KCTD16: variants seen among roughly 807,000 people sequenced by gnomAD.
KCTD16 encodes the protein BTB/POZ domain-containing protein KCTD16.
Under a neutral mutation model 33.2 loss-of-function variants are expected in KCTD16, and 13 were observed. The ratio of observed to expected loss-of-function variants is 0.39; its 90% CI spans 0.25 to 0.62. The LOEUF (loss-of-function observed/expected upper bound fraction) is 0.62, where lower values mean the gene tolerates loss of function less well. Among genes scored for constraint, KCTD16 ranks in the 20% least tolerant of loss-of-function variants. The pLI, the probability that KCTD16 is intolerant of heterozygous loss-of-function variation, is 0.50. For missense variants in KCTD16, 441 were observed against 525.1 expected, an observed-to-expected ratio of 0.84 and a Z score of 1.57; for synonymous variants, 197 against 195.3, an observed-to-expected ratio of 1.01 and a Z score of -0.07.
chr5:144,309,614 C>A (rs1022330577), intron 3 of KCTD16, among the ~76,000 whole-genome samples: 3 of 152,118 alleles, frequency 2.0e-5, no homozygotes, highest in African/African-American at 7.2e-5. Flanking sequence ...AGTATTCAAT[C>A]CCTTGGAGTT....
At position 144,475,899 on chromosome 5, in the gene KCTD16, C is replaced by T. The variant is rs2127004176; in HGVS notation, c.*1785C>T. 1 of 152,244 alleles carries T rather than the reference C, an allele frequency of 6.6e-6. No individual in the cohort carries two copies. 9.4% of individuals were successfully genotyped at this position (152,244 alleles called of 1,614,324 possible). A position where few individuals can be genotyped will look rare whatever the true frequency, so the allele number is the denominator to read the frequency against. ...AGGATGACAGACTCAGCTAATGTTT[C>T]CTTGTCCTGAAGGTTTGAATGGAGT... On this transcript the variant is annotated 3_prime_UTR_variant, in exon 4 of 4. Coordinates refer to ENST00000512467, the MANE Select transcript of KCTD16 (RefSeq NM_020768.4).
intron 3 of KCTD16, among the ~76,000 whole-genome samples, chr5:144,335,085 C>A (rs932280111): frequency 1.3e-5 from 2 of 152,082 alleles, no homozygotes; most frequent in Non-Finnish European, 2.9e-5. Flanking sequence ...CCACCCAGAT[C>A]CTGTTTTCTT....
chr5:144,316,874 C>G (rs1159851170), intron 3 of KCTD16, among the ~76,000 whole-genome samples: 1 of 132,214 alleles, frequency 7.6e-6, no homozygotes, highest in Non-Finnish European at 1.6e-5. Flanking sequence ...TGTCACTGGG[C>G]TGGAGTGCAA....
chr5:144,476,311 C>G lies in KCTD16; in HGVS notation c.*2197C>G, dbSNP rs1345290191. 1 of 152,172 alleles carries G rather than the reference C, an allele frequency of 6.6e-6. No individual in the cohort carries two copies. The highest frequency in any genetic ancestry group is 1.5e-5 in the Non-Finnish European group (1 of 68,038). The allele number at this position is 152,172 out of a possible 1,614,324, so 9.4% of individuals were successfully genotyped here. The stretch of plus-strand genomic sequence containing the variant: ...CCAAAGTTCCAACTTCCTTAAATTT[C>G]AGACCTGACTGTAATGGCCTCAAGA... On this transcript the variant is annotated 3_prime_UTR_variant, in exon 4 of 4. Coordinates refer to ENST00000512467, the MANE Select transcript of KCTD16 (RefSeq NM_020768.4).
At chr5:144,439,622 A>G (rs1753656702) in intron 3 of KCTD16, 1 of 196,820 alleles carries the variant, frequency 5.1e-6, no homozygotes, top group African/African-American at 2.4e-5. Context: ...ATGTGCTGGT[A>G]ACAGTTTTGC....
At chr5:144,423,150 G>A (rs1381545955) in intron 3 of KCTD16, among the ~76,000 whole-genome samples, 1 of 152,106 alleles carries the variant, frequency 6.6e-6, no homozygotes, top group Non-Finnish European at 1.5e-5. Context: ...GGAACAGAAG[G>A]AAGGCCAATT....
At chr5:144,198,015 C>T (rs111341958) in intron 2 of KCTD16, among the ~76,000 whole-genome samples, 4 of 152,196 alleles carry the variant, frequency 2.6e-5, no homozygotes, top group South Asian at 2.1e-4. Context: ...GACCCCACAT[C>T]GAAGACATGA....
At chr5:144,178,984 G>T (rs1247013625) in intron 2 of KCTD16, among the ~76,000 whole-genome samples, 1 of 152,152 alleles carries the variant, frequency 6.6e-6, no homozygotes, top group Non-Finnish European at 1.5e-5. Context: ...ATCAGAAAAT[G>T]ACCAAAACAC....
chr5:144,219,513 C>G (rs532630557), intron 3 of KCTD16, among the ~76,000 whole-genome samples: 106 of 77,138 alleles, frequency 1.4e-3, no homozygotes, highest in Admixed American at 3.0e-3. Context: ...TGTGCTGGGC[C>G]TTTTTTTTTT....
intron 3 of KCTD16, among the ~76,000 whole-genome samples, chr5:144,412,361 G>T (rs566934373): frequency 6.6e-6 from 1 of 152,136 alleles, no homozygotes; most frequent in Non-Finnish European, 1.5e-5. Flanking sequence ...ATGAAATCCT[G>T]TCATTTGCAG....
In KCTD16 at chr5:144,476,885, AAAC is replaced by A. The variant is rs1255176238; in HGVS notation, c.*2774_*2776del. The A allele has an allele frequency of 2.0e-5, 3 of 152,186 alleles. No individual in the cohort carries two copies. Among genetic ancestry groups the A allele is most frequent in the Non-Finnish European group, 4.4e-5 (3 of 68,020 alleles). 9.4% of individuals were successfully genotyped at this position (152,186 alleles called of 1,614,324 possible). ...AGAACTTTTTGTTTAATTCTGAAGA[AAAC>A]AATATATATGGTTTACTTCTCGAAC... On this transcript the variant is annotated 3_prime_UTR_variant, in exon 4 of 4. Transcript: ENST00000512467.
At position 144,328,517 on chromosome 5, in the gene KCTD16, T is replaced by A. The variant is rs566242411; in HGVS notation, c.832+120971T>A. ...CGAATATCCTCTTTTTTTTTTATTTTTTTTATTTTTTTTTATTTTGCAAGC... is the reference window on the plus strand; with the variant it reads ...CGAATATCCTCTTTTTTTTTTATTTATTTTATTTTTTTTTATTTTGCAAGC... On this transcript the variant is annotated intron_variant, in intron 3 of 3. Coordinates refer to ENST00000512467, the MANE Select transcript of KCTD16 (RefSeq NM_020768.4). 5.9e-5 allele frequency among the ~76,000 whole-genome samples: 9 copies of A among 152,164 alleles called. No individual in the cohort carries two copies. In the East Asian group the frequency reaches 7.7e-4, roughly 13 times the overall value.
At chr5:144,181,469 TC>T (rs1368506435) in intron 2 of KCTD16, among the ~76,000 whole-genome samples, 4 of 152,202 alleles carry the variant, frequency 2.6e-5, no homozygotes, top group Non-Finnish European at 5.9e-5. Flanking sequence ...ATACCTGCAC[TC>T]CCATGTTCAT....
At chr5:144,350,708 G>A (rs1751397878) in intron 3 of KCTD16, among the ~76,000 whole-genome samples, 1 of 151,858 alleles carries the variant, frequency 6.6e-6, no homozygotes, top group South Asian at 2.1e-4. Flanking sequence ...GCAGCATCAG[G>A]CAATTTATAT....
In KCTD16 at chr5:144,483,506, C is replaced by T. The variant is rs1401247060; in HGVS notation, c.*9392C>T. On this transcript the variant is annotated 3_prime_UTR_variant, in exon 4 of 4. Transcript: ENST00000512467. ...ACACTTGAAGTCTGTTTATACAATA[C>T]CCAAATAGTTGCTCAAAGAAAGAAC... 6.6e-6 allele frequency: 1 copy of T among 151,824 alleles called. No individual in the cohort carries two copies. Among genetic ancestry groups the T allele is most frequent in the Non-Finnish European group, 1.5e-5 (1 of 67,898 alleles). The allele number at this position is 151,824 out of a possible 1,614,324, so 9.4% of individuals were successfully genotyped here.
chr5:144,405,660 A>G (rs1561595889), intron 3 of KCTD16, among the ~76,000 whole-genome samples: 1 of 152,188 alleles, frequency 6.6e-6, no homozygotes, highest in African/African-American at 2.4e-5. Flanking sequence ...CTGAACTTGT[A>G]GCTCCAGGGC....
At chr5:144,317,578 T>C (rs944207133) in intron 3 of KCTD16, among the ~76,000 whole-genome samples, 3 of 152,222 alleles carry the variant, frequency 2.0e-5, no homozygotes, top group African/African-American at 7.2e-5. Flanking sequence ...CCCCACCATT[T>C]AGCCAAATGA....
At chr5:144,291,749 A>C (rs939455623) in intron 3 of KCTD16, among the ~76,000 whole-genome samples, 1 of 152,228 alleles carries the variant, frequency 6.6e-6, no homozygotes, top group African/African-American at 2.4e-5. Context: ...TTGAATGAGA[A>C]AAAATTGCAT....
At chr5:144,274,847 T>G (rs1030785623) in intron 3 of KCTD16, among the ~76,000 whole-genome samples, 1 of 152,174 alleles carries the variant, frequency 6.6e-6, no homozygotes, top group East Asian at 1.9e-4. Flanking sequence ...GATCAGAAGG[T>G]TTCCTTTCTC....
Sources: allele counts gnomAD v4.1 joint callset (sites outside exome capture counted in the v4.1 genomes callset), GRCh38; gene constraint gnomAD v4.1.1; transcripts MANE v1.5; gene names NCBI Gene and HGNC (gene_info 2026-07-23, HGNC 2026-07-21).